HSD17B12: variants seen among roughly 807,000 people sequenced by gnomAD.
HSD17B12 encodes the protein hydroxysteroid 17-beta dehydrogenase 12.
In HSD17B12, 32 loss-of-function variants were observed where a neutral mutation model predicts 39.3. The ratio of observed to expected loss-of-function variants is 0.81; its 90% confidence interval spans 0.61 to 1.09. The LOEUF (loss-of-function observed/expected upper bound fraction) is 1.09. HSD17B12 is among the 50% of genes least tolerant of loss of function. The pLI, the probability that HSD17B12 is intolerant of heterozygous loss-of-function variation, is 0.00. For missense variants in HSD17B12, 342 were observed against 382.9 expected, an observed-to-expected ratio of 0.89 and a Z score of 0.89; for synonymous variants, 150 against 146.7, an observed-to-expected ratio of 1.02 and a Z score of -0.16.
the HSD17B12 span, among the ~76,000 whole-genome samples, chr11:43,666,960 A>G: frequency 6.6e-6 from 1 of 152,238 alleles, no homozygotes; most frequent in African/African-American, 2.4e-5. Context: ...ACTGCTTTTA[A>G]TAACTTGCTC....
chr11:43,736,881 T>G (rs1354105349), intron 1 of HSD17B12, among the ~76,000 whole-genome samples: 2 of 152,200 alleles, frequency 1.3e-5, no homozygotes, highest in Non-Finnish European at 2.9e-5. Context: ...CTACACTGTT[T>G]GCCTGAATCA....
At chr11:43,776,286 T>G (rs1225294155) in intron 3 of HSD17B12, among the ~76,000 whole-genome samples, 3 of 152,210 alleles carry the variant, frequency 2.0e-5, no homozygotes, top group Non-Finnish European at 4.4e-5. Context: ...GACTTTTTAA[T>G]GATTGCCATT....
At chr11:43,826,284 C>T (rs1262355486) in intron 6 of HSD17B12, among the ~76,000 whole-genome samples, 4 of 151,842 alleles carry the variant, frequency 2.6e-5, no homozygotes, top group Non-Finnish European at 5.9e-5. Context: ...GGAGTTTCAC[C>T]GTGTTAGCCA....
At chr11:43,758,095 A>T (rs1461419159) in intron 3 of HSD17B12, among the ~76,000 whole-genome samples, 1 of 152,196 alleles carries the variant, frequency 6.6e-6, no homozygotes, top group Admixed American at 6.5e-5. Flanking sequence ...TCCAAGTTTC[A>T]GTCAGCCAAC....
chr11:43,749,713 T>C (rs571000891), intron 1 of HSD17B12, among the ~76,000 whole-genome samples: 2 of 151,918 alleles, frequency 1.3e-5, no homozygotes, highest in South Asian at 4.1e-4. Flanking sequence ...ATGAGAGATA[T>C]GGCTAGGGAG....
chr11:43,568,631 G>A, the HSD17B12 span, among the ~76,000 whole-genome samples: 59 of 152,306 alleles, frequency 3.9e-4, no homozygotes, highest in African/African-American at 1.3e-3. Flanking sequence ...GGCAGATAGT[G>A]CCCACACATT....
chr11:43,696,494 A>T (rs1198993807), intron 1 of HSD17B12, among the ~76,000 whole-genome samples: 1 of 152,250 alleles, frequency 6.6e-6, no homozygotes, highest in Non-Finnish European at 1.5e-5. Context: ...CAGAATGGCG[A>T]TTATTAAAAA....
chr11:43,721,549 G>A (rs1273494242), intron 1 of HSD17B12, among the ~76,000 whole-genome samples: 1 of 152,090 alleles, frequency 6.6e-6, no homozygotes, highest in Non-Finnish European at 1.5e-5. Flanking sequence ...AACCTGGGAG[G>A]CAGAGGTTGC....
the HSD17B12 span, among the ~76,000 whole-genome samples, chr11:43,585,600 G>A: frequency 1.1e-4 from 17 of 152,240 alleles, no homozygotes; most frequent in South Asian, 1.2e-3. Context: ...TAAATAATAC[G>A]TAAATTGACT....
intron 9 of HSD17B12, among the ~76,000 whole-genome samples, chr11:43,845,963 A>G (rs527422856): frequency 2.0e-5 from 3 of 152,356 alleles, no homozygotes; most frequent in African/African-American, 4.8e-5. Context: ...TCGTCATTTC[A>G]AAATGAAAAG....
At chr11:43,655,155 C>T in the HSD17B12 span, among the ~76,000 whole-genome samples, 15 of 152,194 alleles carry the variant, frequency 9.9e-5, no homozygotes, top group African/African-American at 3.4e-4. Context: ...GTATTTTATT[C>T]TCTTTGAAGC....
the HSD17B12 span, among the ~76,000 whole-genome samples, chr11:43,665,069 T>A: frequency 2.0e-4 from 31 of 152,324 alleles, no homozygotes; most frequent in African/African-American, 7.5e-4. Flanking sequence ...CTTAAACACG[T>A]AATATACATG....
chr11:43,727,802 C>G (rs1337542591), intron 1 of HSD17B12, among the ~76,000 whole-genome samples: 3 of 152,118 alleles, frequency 2.0e-5, no homozygotes, highest in African/African-American at 7.2e-5. Flanking sequence ...CTTTTTTCCT[C>G]CACTTTGCCA....
intron 3 of HSD17B12, among the ~76,000 whole-genome samples, chr11:43,797,927 C>T (rs768270469): frequency 4.6e-5 from 7 of 152,168 alleles, no homozygotes; most frequent in Admixed American, 4.6e-4. Flanking sequence ...AAGACTTCTT[C>T]CTGAAGTTAC....
At chr11:43,604,172 T>G in the HSD17B12 span, among the ~76,000 whole-genome samples, 1 of 152,212 alleles carries the variant, frequency 6.6e-6, no homozygotes, top group Non-Finnish European at 1.5e-5. Context: ...AATGTATTCT[T>G]TAAAAATAAA....
chr11:43,729,526 T>C (rs1232439833), intron 1 of HSD17B12, among the ~76,000 whole-genome samples: 6 of 152,180 alleles, frequency 3.9e-5, no homozygotes, highest in Admixed American at 3.3e-4. Flanking sequence ...ACCAGGAAAT[T>C]TCTATGGTAT....
chr11:43,573,246 C>T, the HSD17B12 span, among the ~76,000 whole-genome samples: 2 of 152,162 alleles, frequency 1.3e-5, no homozygotes, highest in African/African-American at 4.8e-5. Context: ...CACCACAGCC[C>T]TTAGTACAGG....
At chr11:43,713,349 A>G (rs1314888897) in intron 1 of HSD17B12, among the ~76,000 whole-genome samples, 7 of 138,872 alleles carry the variant, frequency 5.0e-5, no homozygotes, top group Non-Finnish European at 6.0e-5. Context: ...TCATTGTTCA[A>G]TTCCCACCTA....
At chr11:43,702,065 C>T (rs1198944727) in intron 1 of HSD17B12, among the ~76,000 whole-genome samples, 1 of 152,028 alleles carries the variant, frequency 6.6e-6, no homozygotes, top group East Asian at 1.9e-4. Flanking sequence ...AATTCCTAGG[C>T]ATTTAATTTC....
Sources: allele counts gnomAD v4.1 joint callset (sites outside exome capture counted in the v4.1 genomes callset), GRCh38; gene constraint gnomAD v4.1.1; transcripts MANE v1.5; gene names NCBI Gene and HGNC (gene_info 2026-07-23, HGNC 2026-07-21).